SCML2: variants seen among roughly 807,000 people sequenced by gnomAD.
SCML2 encodes the protein sex comb on midleg-like protein 2.
SCML2 carries 6 observed loss-of-function variants against 48.4 expected under a neutral mutation model. The observed-to-expected ratio is 0.12, with a 90% CI of 0.07 to 0.24. The LOEUF (loss-of-function observed/expected upper bound fraction) is 0.24, where lower values mean the gene tolerates loss of function less well. Ranked by LOEUF, SCML2 falls within the 10% of genes least tolerant of loss-of-function variation. SCML2 has a pLI of 1.00. For missense variants in SCML2, 377 were observed against 528.2 expected, an observed-to-expected ratio of 0.71 and a Z score of 2.81; for synonymous variants, 181 against 189.5, an observed-to-expected ratio of 0.95 and a Z score of 0.37.
At chrX:18,343,273 T>C (rs1309485713) in intron 1 of SCML2, among the ~76,000 whole-genome samples, 1 of 108,001 alleles carries the variant, frequency 9.3e-6, no homozygotes, top group Non-Finnish European at 1.9e-5. Context: ...AGGGTAAACA[T>C]TTTGACAAGG....
At chrX:18,352,108 A>G (rs1404349906) in intron 1 of SCML2, among the ~76,000 whole-genome samples, 1 of 111,872 alleles carries the variant, frequency 8.9e-6, no homozygotes, top group African/African-American at 3.3e-5. Context: ...CCAAAAGAAA[A>G]TAAGAGTCAC....
chrX:18,263,926 T>G (rs1395911904), intron 8 of SCML2, among the ~76,000 whole-genome samples: 6 of 110,375 alleles, frequency 5.4e-5, no homozygotes, highest in Non-Finnish European at 7.6e-5. Flanking sequence ...TTTCTCTGCA[T>G]GTACTTTTTC....
intron 9 of SCML2, among the ~76,000 whole-genome samples, chrX:18,258,682 A>C (rs907203053): frequency 7.2e-5 from 8 of 111,184 alleles, no homozygotes; most frequent in Non-Finnish European, 5.7e-5. Flanking sequence ...AATTTATTTT[A>C]AATCACCAAT....
In SCML2 at chrX:18,247,780, T is replaced by C. The variant is rs199782976; in HGVS notation, c.1559A>G (p.Tyr520Cys). Residue 520 changes from tyrosine (Y) to cysteine (C), a missense_variant, in exon 12 of 15, where the codon TAT becomes TGT. Coordinates refer to ENST00000251900, the MANE Select transcript of SCML2 (RefSeq NM_006089.3). ...LSPKLPKTKE[Y>C]ASEGEPLFAG... ...TAAATGCTATTTACCTTCAGACGCA[T>C]ACTCCTTTGTTTTGGGGAGCTTAGG... 5 of 1,193,987 alleles carry C rather than the reference T, an allele frequency of 4.2e-6. No individual in the cohort carries two copies. The East Asian group carries it at 1.2e-4, about 28-fold the overall frequency.
chrX:18,306,057 A>C lies in SCML2; in HGVS notation c.487-842T>G, dbSNP rs566044564. On this transcript the variant is annotated intron_variant, in intron 6 of 14. Coordinates refer to ENST00000251900, the MANE Select transcript of SCML2 (RefSeq NM_006089.3). ...AATCCTATTCTACTGACACTTGTTC[A>C]AATTAAAAGAGAAAAGAAAAGAATT... Among the ~76,000 whole-genome samples, 7 of 111,686 alleles carry C rather than the reference A, an allele frequency of 6.3e-5. 1 individual carries two copies. The highest frequency in any genetic ancestry group is 9.2e-3 in the Middle Eastern group (2 of 217).
At chrX:18,247,506 T>G (rs1761391220) in intron 12 of SCML2, among the ~76,000 whole-genome samples, 1 of 112,283 alleles carries the variant, frequency 8.9e-6, no homozygotes. Context: ...GGTTTTTCTA[T>G]TCTTCTTTCT....
chrX:18,260,345 C>T (rs1003822549), intron 8 of SCML2, 54 bp from the exon 9 acceptor site: 32 of 913,226 alleles, frequency 3.5e-5, no homozygotes, highest in Non-Finnish European at 4.6e-5. Flanking sequence ...TTAATATATT[C>T]TTAGATAAGA....
At chrX:18,336,758 T>A (rs1254665487) in intron 1 of SCML2, among the ~76,000 whole-genome samples, 1 of 89,480 alleles carries the variant, frequency 1.1e-5, no homozygotes, top group East Asian at 3.2e-4. Context: ...ATAAATAAAA[T>A]AAAATAAGAA....
At chrX:18,271,661 AC>A (rs1180351256) in intron 7 of SCML2, among the ~76,000 whole-genome samples, 1 of 95,585 alleles carries the variant, frequency 1.0e-5, no homozygotes, top group South Asian at 4.8e-4. Flanking sequence ...ATGCTCCCCC[AC>A]CCCCCTGCCC....
chrX:18,332,325 A>G (rs1929683637), intron 2 of SCML2, among the ~76,000 whole-genome samples: 1 of 112,380 alleles, frequency 8.9e-6, no homozygotes, highest in African/African-American at 3.2e-5. Context: ...TATTATCATT[A>G]TGAACTCATG....
intron 1 of SCML2, among the ~76,000 whole-genome samples, chrX:18,346,815 A>G (rs957920146): frequency 6.2e-5 from 7 of 112,276 alleles, no homozygotes; most frequent in Admixed American, 9.5e-5. Flanking sequence ...AAAAAAAAAT[A>G]CTGATTTAAT....
At chrX:18,288,685 T>G (rs962686954) in intron 7 of SCML2, among the ~76,000 whole-genome samples, 2 of 112,184 alleles carry the variant, frequency 1.8e-5, no homozygotes, top group African/African-American at 6.5e-5. Context: ...AAAAAAACTT[T>G]TGCAGTAATT....
chrX:18,310,686 A>G (rs1181828324), intron 6 of SCML2, among the ~76,000 whole-genome samples: 1 of 110,952 alleles, frequency 9.0e-6, no homozygotes, highest in Admixed American at 9.7e-5. Flanking sequence ...CCTGGGCTCA[A>G]GCAGTCCTCC....
At chrX:18,348,733 C>A (rs756392146) in intron 1 of SCML2, among the ~76,000 whole-genome samples, 10 of 111,312 alleles carry the variant, frequency 9.0e-5, no homozygotes, top group African/African-American at 2.6e-4. Flanking sequence ...GAAAAATACT[C>A]CAAATAACAT....
chrX:18,240,697 T>G lies in SCML2; in HGVS notation c.*554A>C, dbSNP rs1311153837. 1 of 112,358 alleles carries G rather than the reference T, an allele frequency of 8.9e-6. No homozygotes were observed. The highest frequency in any genetic ancestry group is 1.9e-5 in the Non-Finnish European group (1 of 53,272). The allele number at this position is 112,358 out of a possible 1,213,427, so 9.3% of individuals were successfully genotyped here. A position where few individuals can be genotyped will look rare whatever the true frequency, so the allele number is the denominator to read the frequency against. ...ATAAAAGGAAAATAATTTATATGGC[T>G]ATTCCCTTTCTAGATATACTGATAG... is the stretch of plus-strand genomic sequence containing the variant. On this transcript the variant is annotated 3_prime_UTR_variant, in exon 15 of 15. Transcript: ENST00000251900.
chrX:18,329,147 G>A (rs1457038767), intron 3 of SCML2, among the ~76,000 whole-genome samples: 1 of 111,725 alleles, frequency 9.0e-6, no homozygotes, highest in Non-Finnish European at 1.9e-5. Context: ...CTCTAAATAG[G>A]TGAATTATAT....
intron 6 of SCML2, among the ~76,000 whole-genome samples, chrX:18,312,071 C>A (rs1272849520): frequency 8.9e-6 from 1 of 111,943 alleles, no homozygotes; most frequent in Admixed American, 9.5e-5. Context: ...GGATTACAGG[C>A]GTGAGGCACC....
chrX:18,314,886 C>T (rs1010568758), intron 6 of SCML2, among the ~76,000 whole-genome samples: 1 of 110,177 alleles, frequency 9.1e-6, no homozygotes, highest in Middle Eastern at 4.7e-3. Flanking sequence ...GTTGGGGGTT[C>T]GAGACCAGAC....
At chrX:18,276,845 GC>G (rs1927658985) in intron 7 of SCML2, among the ~76,000 whole-genome samples, 1 of 111,405 alleles carries the variant, frequency 9.0e-6, no homozygotes, top group South Asian at 3.8e-4. Flanking sequence ...GAAATGGGGA[GC>G]AACTGTTTAA....
Sources: gnomAD v4.1 joint callset for allele counts (sites outside exome capture counted in the v4.1 genomes callset) on GRCh38, gnomAD v4.1.1 for gene constraint, MANE v1.5 for transcripts, NCBI Gene and HGNC (gene_info 2026-07-23, HGNC 2026-07-21) for gene names.